Variants in GRID2IP observed in about 807,000 individuals in gnomAD.
GRID2IP encodes delphilin.
Under a neutral mutation model 114.3 loss-of-function variants are expected in GRID2IP, and 78 were observed. That is an observed-to-expected ratio of 0.68 (90% CI 0.57 to 0.82). The LOEUF (loss-of-function observed/expected upper bound fraction) is 0.82, where lower values mean the gene tolerates loss of function less well. GRID2IP is among the 40% of genes least tolerant of loss of function. The pLI, the probability that GRID2IP is intolerant of heterozygous loss-of-function variation, is 0.00. For synonymous variants in GRID2IP, 809 were observed against 724.0 expected, an observed-to-expected ratio of 1.12 and a Z score of -1.89; for missense variants, 1,727 against 1,678.5, an observed-to-expected ratio of 1.03 and a Z score of -0.51.
rs1786648653 is a variant in GRID2IP, at chr7:6,508,117, G to A, written c.2412C>T (p.Pro804=). ...TGGGGGGTGCACAGGGCACGGGTGG[G>A]GGCAGGGGCGGTGGGGGTGGTGGAG... is the stretch of plus-strand genomic sequence containing the variant. ...PVPPPPPPPL[P]PPVPCAPPML... The change falls in exon 13 of 22, where the codon CCC becomes CCT. Residue 804 remains proline (P), a synonymous_variant. Transcript: ENST00000457091. The surrounding 1 kb of genome is among the most constrained non-coding windows in gnomAD (Gnocchi z 5.6). The A allele has an allele frequency of 1.3e-6, 2 of 1,525,640 alleles. No individual in the cohort carries two copies. Among genetic ancestry groups the A allele is most frequent in the Admixed American group, 4.0e-5 (2 of 49,514 alleles). The allele number at this position is 1,525,640 out of a possible 1,614,324, so 94.5% of individuals were successfully genotyped here.
Position 6,521,618 on chromosome 7 carries a change from C to T in GRID2IP, c.990-95G>A. On this transcript the variant is annotated intron_variant, in intron 5 of 21. Transcript: ENST00000457091. The surrounding 1 kb of genome is among the most constrained non-coding windows in gnomAD (Gnocchi z 4.1). ...CCCTGTCCTGCCCACAGAGGTCACA[C>T]AGCAAGACCACCTCTGTGTGACTCT... 1 of 840,530 alleles carries T rather than the reference C, an allele frequency of 1.2e-6. No homozygotes were observed. The highest frequency in any genetic ancestry group is 1.9e-6 in the Non-Finnish European group (1 of 535,944). The allele number at this position is 840,530 out of a possible 1,614,324, so 52.1% of individuals were successfully genotyped here. A position where few individuals can be genotyped will look rare whatever the true frequency, so the allele number is the denominator to read the frequency against.
At chr7:6,527,776 T>TC (rs35354516) in intron 2 of GRID2IP, among the ~76,000 whole-genome samples, 3 of 151,208 alleles carry the variant, frequency 2.0e-5, no homozygotes, top group Non-Finnish European at 3.0e-5. Context: ...TTTTTTTTTT[T>TC]CAGACAGAGT....
At chr7:6,542,144 A>G (rs1413147267) in intron 1 of GRID2IP, among the ~76,000 whole-genome samples, 5 of 152,040 alleles carry the variant, frequency 3.3e-5, no homozygotes, top group African/African-American at 1.2e-4. Context: ...TCTACTAAAA[A>G]TACAAAAATT....
chr7:6,517,662 G>C (rs1779335182), intron 7 of GRID2IP, among the ~76,000 whole-genome samples: 1 of 152,028 alleles, frequency 6.6e-6, no homozygotes, highest in African/African-American at 2.4e-5. Flanking sequence ...CCAGCACTTT[G>C]GCAGGCTGAG....
intron 11 of GRID2IP, among the ~76,000 whole-genome samples, chr7:6,510,058 G>A (rs1786721868): frequency 6.6e-6 from 1 of 152,108 alleles, no homozygotes; most frequent in South Asian, 2.1e-4. Flanking sequence ...TCAAACTCCT[G>A]GGCTCCATTG....
At chr7:6,515,856 T>C (rs1274151930) in intron 7 of GRID2IP, among the ~76,000 whole-genome samples, 1 of 151,964 alleles carries the variant, frequency 6.6e-6, no homozygotes, top group African/African-American at 2.4e-5. Context: ...CCTAGCACTT[T>C]GGGAGGCTGA....
rs1021723838 is a variant in GRID2IP, at chr7:6,528,062, T to A, written c.585-1293A>T. Among the ~76,000 whole-genome samples the A allele has an allele frequency of 2.7e-5, 4 of 150,384 alleles. No homozygotes were observed. The highest frequency in any genetic ancestry group is 4.5e-5 in the Non-Finnish European group (3 of 67,240). ...TGAGCCACTGTGCCCGGCATTTTTTTTTCTTTTTAATTTTTTTTGTAGAGA... is the reference window on the plus strand; with the variant it reads ...TGAGCCACTGTGCCCGGCATTTTTTATTCTTTTTAATTTTTTTTGTAGAGA... On this transcript the variant is annotated intron_variant, in intron 2 of 21. Coordinates refer to ENST00000457091, the MANE Select transcript of GRID2IP (RefSeq NM_001145118.2). The surrounding 1 kb of genome is among the most constrained non-coding windows in gnomAD (Gnocchi z 6.0).
At chr7:6,497,874 G>A (rs1786300666) in intron 21 of GRID2IP, 29 bp from the exon 22 acceptor site, 1 of 1,533,828 alleles carries the variant, frequency 6.5e-7, no homozygotes, top group Non-Finnish European at 8.8e-7. Flanking sequence ...GAGGTAGGGT[G>A]GTCAGTGGTC....
chr7:6,505,112 A>T (rs953730937), intron 14 of GRID2IP, among the ~76,000 whole-genome samples: 4 of 151,982 alleles, frequency 2.6e-5, no homozygotes, highest in Non-Finnish European at 4.4e-5. Context: ...TTTCTGTTCC[A>T]TCCTGGGACC....
At chr7:6,505,573 T>A (rs1786553338) in intron 14 of GRID2IP, among the ~76,000 whole-genome samples, 1 of 152,130 alleles carries the variant, frequency 6.6e-6, no homozygotes, top group Admixed American at 6.6e-5. Context: ...TTCGCCACGT[T>A]GCCCAGGCTG....
At chr7:6,505,302 A>G (rs949229505) in intron 14 of GRID2IP, among the ~76,000 whole-genome samples, 8 of 151,094 alleles carry the variant, frequency 5.3e-5, no homozygotes, top group African/African-American at 1.7e-4. Flanking sequence ...CAGAGTTGCC[A>G]TGGGATTTAG....
At chr7:6,498,329 G>C (rs1368120465) in intron 20 of GRID2IP, 101 bp from the exon 21 acceptor site, 1 of 1,175,184 alleles carries the variant, frequency 8.5e-7, no homozygotes, top group Non-Finnish European at 1.2e-6. Flanking sequence ...TTCCCGGTTG[G>C]CCTGAGTCCT....
At position 6,509,837 on chromosome 7, in the gene GRID2IP, T is replaced by C. The variant is rs1191167796; in HGVS notation, c.1771+446A>G. Among the ~76,000 whole-genome samples the C allele has an allele frequency of 6.6e-6, 1 of 152,202 alleles. No individual in the cohort carries two copies. Among genetic ancestry groups the C allele is most frequent in the Non-Finnish European group, 1.5e-5 (1 of 68,034 alleles). On this transcript the variant is annotated intron_variant, in intron 11 of 21. Coordinates refer to ENST00000457091, the MANE Select transcript of GRID2IP (RefSeq NM_001145118.2). The surrounding 1 kb of genome is among the most constrained non-coding windows in gnomAD (Gnocchi z 4.9). ...AATCAGGCATCTGCCTTCTTTCTTT[T>C]TCTTTTTTAAGACAGGGTCTTACTC...
In GRID2IP at chr7:6,509,940, C is replaced by T. The variant is rs552518653; in HGVS notation, c.1771+343G>A. ...AACTCCTGGGCTCAAGTGATCCTCC[C>T]GCCTCAGCCTCTTGAGGAGTTGGGA... On this transcript the variant is annotated intron_variant, in intron 11 of 21. Coordinates refer to ENST00000457091, the MANE Select transcript of GRID2IP (RefSeq NM_001145118.2). This position sits in a 1 kb window ranked among gnomAD's most constrained non-coding sequence, Gnocchi z 4.9. Among the ~76,000 whole-genome samples the T allele has an allele frequency of 1.3e-5, 2 of 152,084 alleles. No homozygotes were observed.
chr7:6,508,424 G>A lies in GRID2IP; in HGVS notation c.2128-23C>T. ...CATCTGGTGGTGGGGAGAGAGGCAA[G>A]GGGAGGGTGAGGCTGGGCCCAGAGA... On this transcript the variant is annotated intron_variant, in intron 12 of 21. Coordinates refer to ENST00000457091, the MANE Select transcript of GRID2IP (RefSeq NM_001145118.2). This position sits in a 1 kb window ranked among gnomAD's most constrained non-coding sequence, Gnocchi z 5.6. 1 of 1,550,754 alleles carries A rather than the reference G, an allele frequency of 6.4e-7. No individual in the cohort carries two copies. The highest frequency in any genetic ancestry group is 8.7e-7 in the Non-Finnish European group (1 of 1,147,014).
intron 20 of GRID2IP, among the ~76,000 whole-genome samples, chr7:6,501,493 G>C (rs1335567764): frequency 2.0e-5 from 3 of 152,226 alleles, no homozygotes; most frequent in Admixed American, 2.0e-4. Context: ...CTCGAGCCCA[G>C]GAGTTTTAGA....
chr7:6,545,329 A>G (rs751170289), intron 1 of GRID2IP, among the ~76,000 whole-genome samples: 2 of 152,028 alleles, frequency 1.3e-5, no homozygotes, highest in Non-Finnish European at 2.9e-5. Context: ...AAAGCTGCTC[A>G]TTCTCCTCCC....
chr7:6,536,262 C>G lies in GRID2IP; in HGVS notation c.584+3456G>C, dbSNP rs929004238. On this transcript the variant is annotated intron_variant, in intron 2 of 21. Coordinates refer to ENST00000457091, the MANE Select transcript of GRID2IP (RefSeq NM_001145118.2). This position sits in a 1 kb window ranked among gnomAD's most constrained non-coding sequence, Gnocchi z 5.3. ...TGCGGAGCCCAGCTGGGCGCCGCCC[C>G]TTCCTCCAGCAGCCTCCCCAGTTTT... 6.6e-6 allele frequency among the ~76,000 whole-genome samples: 1 copy of G among 152,218 alleles called. No homozygotes were observed. Among genetic ancestry groups the G allele is most frequent in the Non-Finnish European group, 1.5e-5 (1 of 68,014 alleles).
At chr7:6,544,195 G>A (rs116764301) in intron 1 of GRID2IP, among the ~76,000 whole-genome samples, 1,650 of 152,248 alleles carry the variant, frequency 0.011, 32 homozygotes, top group African/African-American at 0.038. Context: ...CTCCTTGCCT[G>A]TGTTGTTCAT....
Sources: allele counts gnomAD v4.1 joint callset (sites outside exome capture counted in the v4.1 genomes callset), GRCh38; gene constraint gnomAD v4.1.1; non-coding constraint Gnocchi (gnomAD v3.1); transcripts MANE v1.5; gene names NCBI Gene and HGNC (gene_info 2026-07-23, HGNC 2026-07-21).